PDE4D: variants seen among roughly 807,000 people sequenced by gnomAD.
The protein encoded by PDE4D is phosphodiesterase 4D.
A neutral mutation model predicts 87.4 loss-of-function variants in PDE4D; 24 were observed. The ratio of observed to expected loss-of-function variants is 0.27; its 90% confidence interval spans 0.20 to 0.39. The LOEUF (loss-of-function observed/expected upper bound fraction) is 0.39. PDE4D is among the 10% of genes least tolerant of loss of function. PDE4D has a pLI of 1.00. For synonymous variants in PDE4D, 384 were observed against 383.2 expected, an observed-to-expected ratio of 1.00 and a Z score of -0.02; for missense variants, 714 against 1,041.0, an observed-to-expected ratio of 0.69 and a Z score of 4.32.
chr5:59,228,654 G>T (rs886209669), intron 1 of PDE4D, among the ~76,000 whole-genome samples: 11 of 152,214 alleles, frequency 7.2e-5, no homozygotes, highest in African/African-American at 2.6e-4. Flanking sequence ...CTCCTAAAAT[G>T]TAAGCCCATT....
At chr5:59,169,574 T>C (rs7728050) in intron 5 of PDE4D, among the ~76,000 whole-genome samples, 92,610 of 151,962 alleles carry the variant, frequency 0.61, 28,658 homozygotes, top group Non-Finnish European at 0.68. Context: ...TAATATCACC[T>C]TGTATCTTCT....
Position 59,787,617 on chromosome 5 carries a change from C to T in PDE4D, c.455+105551G>A, listed in dbSNP as rs371516805. Among the ~76,000 whole-genome samples, 27 of 152,276 alleles carry T rather than the reference C, an allele frequency of 1.8e-4. 2 individuals carry two copies. In the East Asian group the frequency reaches 2.5e-3, roughly 14 times the overall value. On this transcript the variant is annotated intron_variant, in intron 1 of 14. Transcript: ENST00000340635. ...GACAGATAAATGGATGGAATTAGAT[C>T]ATTGAACTATACCTAAAAGCTCTTA... is the stretch of plus-strand genomic sequence containing the variant.
Position 59,476,929 on chromosome 5 carries a change from G to A in PDE4D, c.456-260961C>T, listed in dbSNP as rs116642785. ...CACGTAACAATAAATCACTTTGGAA[G>A]GTAATTGAATCTCATAAGTTTCAAT... On this transcript the variant is annotated intron_variant, in intron 1 of 14. Transcript: ENST00000340635. Among the ~76,000 whole-genome samples the A allele has an allele frequency of 4.0e-3, 606 of 151,924 alleles. 1 individual carries two copies. The highest frequency in any genetic ancestry group is 0.014 in the African/African-American group (562 of 41,450).
chr5:59,699,817 C>A (rs1214245968), intron 1 of PDE4D, among the ~76,000 whole-genome samples: 3 of 152,096 alleles, frequency 2.0e-5, no homozygotes, highest in African/African-American at 4.8e-5. Flanking sequence ...TTTTCAAAAT[C>A]TTATCAAGGT....
chr5:59,049,534 T>C (rs950012084), intron 5 of PDE4D, among the ~76,000 whole-genome samples: 1 of 152,200 alleles, frequency 6.6e-6, no homozygotes, highest in Admixed American at 6.5e-5. Context: ...ACAAGTATTA[T>C]GGTATATCAT....
intron 1 of PDE4D, among the ~76,000 whole-genome samples, chr5:60,330,166 C>G (rs1396432858): frequency 6.6e-6 from 1 of 151,872 alleles, no homozygotes; most frequent in Non-Finnish European, 1.5e-5. Context: ...GATCTGATAC[C>G]TTAATGCTAG....
chr5:59,807,178 C>T (rs183913287), intron 1 of PDE4D, among the ~76,000 whole-genome samples: 306 of 152,250 alleles, frequency 2.0e-3, no homozygotes, highest in Admixed American at 4.5e-3. Context: ...GTTCAATACC[C>T]CTCTTAGACC....
At chr5:60,265,352 T>C (rs1750086829) in intron 1 of PDE4D, among the ~76,000 whole-genome samples, 2 of 152,172 alleles carry the variant, frequency 1.3e-5, no homozygotes, top group African/African-American at 4.8e-5. Flanking sequence ...CTGGCTTGTT[T>C]GAATAATTCC....
intron 1 of PDE4D, among the ~76,000 whole-genome samples, chr5:60,520,820 T>A (rs774444721): frequency 6.6e-6 from 1 of 152,088 alleles, no homozygotes; most frequent in Non-Finnish European, 1.5e-5. Flanking sequence ...GTCCTAAAGA[T>A]TCCCCCAAAA....
intron 2 of PDE4D, among the ~76,000 whole-genome samples, chr5:60,045,207 T>C (rs1385019992): frequency 6.6e-6 from 1 of 151,836 alleles, no homozygotes; most frequent in Non-Finnish European, 1.5e-5. Context: ...TTTGATGGGG[T>C]TGTTTGTTTT....
Position 59,193,490 on chromosome 5 carries a change from C to T in PDE4D, c.684+10G>A. The stretch of plus-strand genomic sequence containing the variant: ...GTGAGAAACCTGCCCATTCACCAAG[C>T]TGTGCTTACCTGAGCAAATGGAGTC... On this transcript the variant is annotated intron_variant, in intron 3 of 14. Coordinates refer to ENST00000340635, the MANE Select transcript of PDE4D (RefSeq NM_001104631.2). 1 of 1,612,618 alleles carries T rather than the reference C, an allele frequency of 6.2e-7. No homozygotes were observed. The highest frequency in any genetic ancestry group is 8.5e-7 in the Non-Finnish European group (1 of 1,179,200).
intron 1 of PDE4D, among the ~76,000 whole-genome samples, chr5:60,255,052 C>T (rs1037902891): frequency 3.3e-5 from 5 of 151,836 alleles, no homozygotes; most frequent in South Asian, 2.1e-4. Flanking sequence ...TTTGCTTCCC[C>T]GGCTCAGAAG....
chr5:59,853,145 G>C (rs529988270), intron 1 of PDE4D, among the ~76,000 whole-genome samples: 1 of 152,138 alleles, frequency 6.6e-6, no homozygotes, highest in Non-Finnish European at 1.5e-5. Context: ...ATGCCTCTTA[G>C]ACACAATGAA....
chr5:59,087,363 A>C (rs574722443), intron 5 of PDE4D, among the ~76,000 whole-genome samples: 105 of 152,102 alleles, frequency 6.9e-4, no homozygotes, highest in African/African-American at 2.5e-3. Context: ...GTGCGTGCTT[A>C]TAGTCCCAGC....
At chr5:59,856,514 T>G (rs1745464917) in intron 1 of PDE4D, among the ~76,000 whole-genome samples, 1 of 152,190 alleles carries the variant, frequency 6.6e-6, no homozygotes, top group Non-Finnish European at 1.5e-5. Context: ...CTTTTCAGAA[T>G]ACGGGAAAAT....
intron 3 of PDE4D, among the ~76,000 whole-genome samples, chr5:59,950,631 T>C (rs1420856215): frequency 6.6e-6 from 1 of 152,082 alleles, no homozygotes; most frequent in Non-Finnish European, 1.5e-5. Context: ...AAGCCCAGGA[T>C]ATCACTTAAG....
chr5:59,775,197 G>C (rs1394442990), intron 1 of PDE4D, among the ~76,000 whole-genome samples: 2 of 152,014 alleles, frequency 1.3e-5, no homozygotes, highest in African/African-American at 4.8e-5. Context: ...AATAAGTTTT[G>C]ATAGCCACTA....
At chr5:59,379,112 C>T (rs1201591790) in intron 1 of PDE4D, among the ~76,000 whole-genome samples, 1 of 152,032 alleles carries the variant, frequency 6.6e-6, no homozygotes, top group African/African-American at 2.4e-5. Flanking sequence ...GTCTTCACTG[C>T]CTAGTGCACG....
chr5:58,998,302 T>C (rs1561268838), intron 6 of PDE4D, among the ~76,000 whole-genome samples: 1 of 152,070 alleles, frequency 6.6e-6, no homozygotes, highest in Non-Finnish European at 1.5e-5. Context: ...GTACAAATGG[T>C]TCATAATCAC....
Sources: gnomAD v4.1 joint callset for allele counts (sites outside exome capture counted in the v4.1 genomes callset) on GRCh38, gnomAD v4.1.1 for gene constraint, MANE v1.5 for transcripts, NCBI Gene and HGNC (gene_info 2026-07-23, HGNC 2026-07-21) for gene names.